The following WWC2 variants were observed in gnomAD, a reference collection of about 807,000 sequenced individuals.
WWC2 encodes the protein protein WWC2.
A neutral mutation model predicts 138.5 loss-of-function variants in WWC2; 101 were observed. That is an observed-to-expected ratio of 0.73 (90% CI 0.62 to 0.86). The LOEUF is 0.86. Ranked by LOEUF, WWC2 falls within the 40% of genes least tolerant of loss-of-function variation. The pLI, the probability that WWC2 is intolerant of heterozygous loss-of-function variation, is 0.00. For synonymous variants in WWC2, 558 were observed against 538.4 expected (o/e 1.04, Z -0.50); for missense variants, 1,420 against 1,419.4 (o/e 1.00, Z -0.01).
chr4:183,282,399 T>G (rs1738104304), intron 17 of WWC2, among the ~76,000 whole-genome samples: 1 of 152,240 alleles, frequency 6.6e-6, no homozygotes, highest in African/African-American at 2.4e-5. Context: ...TGTCAATATT[T>G]TTAAATGCTA....
rs145234819 is a variant in WWC2 at position 183,239,608 on chromosome 4, GGACA to G, written c.523-569_523-566del. Among the ~76,000 whole-genome samples the G allele has an allele frequency of 7.9e-3, 1,197 of 152,308 alleles. 15 individuals carry two copies. Among genetic ancestry groups the G allele is most frequent in the African/African-American group, 0.027 (1,142 of 41,564 alleles). On this transcript the variant is annotated intron_variant, in intron 4 of 22. Transcript: ENST00000403733. ...GGGTTGCAGCTTACTTTCCCACGGAGGACAGACAGTGTACACGGAGAATTTCAGC... is the reference window on the plus strand; with the variant it reads ...GGGTTGCAGCTTACTTTCCCACGGAGGACAGTGTACACGGAGAATTTCAGC...
chr4:183,206,502 T>G (rs992651419), intron 2 of WWC2, among the ~76,000 whole-genome samples: 1 of 152,208 alleles, frequency 6.6e-6, no homozygotes, highest in South Asian at 2.1e-4. Flanking sequence ...TTAAAACATG[T>G]ATTACTGAAT....
rs1425973999 is a variant in WWC2 at position 183,113,507 on chromosome 4, T to C, written c.131+13885T>C. On this transcript the variant is annotated intron_variant, in intron 1 of 22. Transcript: ENST00000403733. ...GTGTGTGTGTGTGTGTGTGTGTGTG[T>C]GTGTGTGTGCGCGCGCGTGCGCGCG... is the stretch of plus-strand genomic sequence containing the variant. 9.0e-5 allele frequency among the ~76,000 whole-genome samples: 13 copies of C among 144,658 alleles called. No homozygotes were observed. In the East Asian group the frequency reaches 1.0e-3, roughly 11 times the overall value. The allele number at this position is 144,658 out of a possible 152,430, so 94.9% of individuals were successfully genotyped here.
chr4:183,162,032 G>C (rs1250601781), intron 1 of WWC2, among the ~76,000 whole-genome samples: 1 of 152,156 alleles, frequency 6.6e-6, no homozygotes, highest in Non-Finnish European at 1.5e-5. Context: ...TACTTTAAAA[G>C]AGATAATACA....
At position 183,209,041 on chromosome 4, in the gene WWC2, T is replaced by C. The variant is rs1408181459; in HGVS notation, c.522+16T>C. 6.5e-7 allele frequency: 1 copy of C among 1,540,536 alleles called. No homozygotes were observed. The highest frequency in any genetic ancestry group is 8.8e-7 in the Non-Finnish European group (1 of 1,132,984). On this transcript the variant is annotated intron_variant, in intron 4 of 22. Coordinates refer to ENST00000403733, the MANE Select transcript of WWC2 (RefSeq NM_024949.6). Reference sequence around the variant, plus strand: ...AAGATTAAGGGTAAGAAGTTTTAAATTGTGGTTCTATGTTGACCCATATGC... The same window carrying C: ...AAGATTAAGGGTAAGAAGTTTTAAACTGTGGTTCTATGTTGACCCATATGC...
In WWC2 at chr4:183,280,866, C is replaced by A; in HGVS notation, c.2653C>A (p.Gln885Lys). 6.3e-7 allele frequency: 1 copy of A among 1,579,908 alleles called. No homozygotes were observed. Among genetic ancestry groups the A allele is most frequent in the Non-Finnish European group, 8.6e-7 (1 of 1,162,294 alleles). The change falls in exon 17 of 23, where the codon CAA (glutamine) becomes AAA (lysine). Residue 885 changes from glutamine (Q) to lysine (K), a missense_variant. By Grantham distance (53) the Gln-to-Lys change is moderately conservative. Transcript: ENST00000403733. ...ACAAGAAGAAGAAGAAGAATCAGGACAAGAAGAGCCAAGGGGCCCAGATGG... is the reference window on the plus strand; with the variant it reads ...ACAAGAAGAAGAAGAAGAATCAGGAAAAGAAGAGCCAAGGGGCCCAGATGG... Reference protein sequence around the residue: ...LAQEEEEESGQEEPRGPDGDW... With the variant: ...LAQEEEEESGKEEPRGPDGDW...
At chr4:183,191,803 C>T (rs1270560252) in intron 1 of WWC2, among the ~76,000 whole-genome samples, 1 of 152,094 alleles carries the variant, frequency 6.6e-6, no homozygotes, top group Non-Finnish European at 1.5e-5. Flanking sequence ...TCATGGCTCA[C>T]TGCAGCCTTG....
chr4:183,242,979 G>A lies in WWC2; in HGVS notation c.603-2437G>A, dbSNP rs1736666755. Among the ~76,000 whole-genome samples the A allele has an allele frequency of 2.6e-5, 4 of 152,240 alleles. No homozygotes were observed. The South Asian group carries it at 6.2e-4, about 24-fold the overall frequency. ...AGCACTTAAAGTAGAGAAGTTCAAA[G>A]GAGGCAAAAGAAAAAGAGCAGAAAC... On this transcript the variant is annotated intron_variant, in intron 5 of 22. Transcript: ENST00000403733.
At chr4:183,172,844 A>G (rs1378245293) in intron 1 of WWC2, among the ~76,000 whole-genome samples, 4 of 152,072 alleles carry the variant, frequency 2.6e-5, no homozygotes, top group Admixed American at 6.5e-5. Flanking sequence ...CAAGTCAGAT[A>G]TTAGACCTCC....
intron 4 of WWC2, among the ~76,000 whole-genome samples, chr4:183,231,258 C>CTTTTTTTTTTT (rs1192297768): frequency 2.7e-5 from 2 of 75,332 alleles, no homozygotes; most frequent in African/African-American, 1.2e-4. Flanking sequence ...ACAGTGAAAG[C>CTTTTTTTTTTT]TTTTTTTTTT....
At chr4:183,151,452 T>C (rs1458374479) in intron 1 of WWC2, among the ~76,000 whole-genome samples, 4 of 152,240 alleles carry the variant, frequency 2.6e-5, no homozygotes, top group Non-Finnish European at 5.9e-5. Context: ...CTTTGTCAGA[T>C]GGGTAGATTG....
At chr4:183,106,466 C>T (rs1007509180) in intron 1 of WWC2, among the ~76,000 whole-genome samples, 3 of 152,124 alleles carry the variant, frequency 2.0e-5, no homozygotes, top group Non-Finnish European at 4.4e-5. Flanking sequence ...GAAGACTACA[C>T]CTTAGTAGTT....
At chr4:183,171,410 A>G (rs1733824138) in intron 1 of WWC2, among the ~76,000 whole-genome samples, 1 of 152,210 alleles carries the variant, frequency 6.6e-6, no homozygotes, top group Non-Finnish European at 1.5e-5. Flanking sequence ...CTAAAAGTGT[A>G]TATTGGTAAT....
intron 21 of WWC2, among the ~76,000 whole-genome samples, chr4:183,291,174 G>A (rs1439242561): frequency 1.3e-5 from 2 of 152,172 alleles, no homozygotes; most frequent in Non-Finnish European, 2.9e-5. Context: ...CCAGGTCTAC[G>A]AGAGCAGTGC....
chr4:183,209,900 C>G (rs1026846438), intron 4 of WWC2, among the ~76,000 whole-genome samples: 1 of 152,292 alleles, frequency 6.6e-6, no homozygotes, highest in East Asian at 1.9e-4. Flanking sequence ...CGTGATTTCT[C>G]CTCATTAGTT....
At chr4:183,260,094 CAA>C (rs1428083504) in intron 10 of WWC2, among the ~76,000 whole-genome samples, 1 of 152,170 alleles carries the variant, frequency 6.6e-6, no homozygotes, top group East Asian at 1.9e-4. Flanking sequence ...CATTCACACA[CAA>C]AGAGGAAACG....
intron 9 of WWC2, among the ~76,000 whole-genome samples, chr4:183,255,877 CTTT>C (rs551883972): frequency 6.4e-5 from 9 of 140,668 alleles, no homozygotes; most frequent in Non-Finnish European, 7.7e-5. Context: ...GCTTTTTTTC[CTTT>C]TTTTTTTTTT....
intron 1 of WWC2, among the ~76,000 whole-genome samples, chr4:183,149,960 A>G (rs1374334246): frequency 6.6e-6 from 1 of 152,162 alleles, no homozygotes; most frequent in Non-Finnish European, 1.5e-5. Context: ...ACCCAGTAGT[A>G]TAGGGTACCC....
chr4:183,262,692 A>T (rs1408438414), intron 11 of WWC2, among the ~76,000 whole-genome samples: 1 of 152,184 alleles, frequency 6.6e-6, no homozygotes, highest in Non-Finnish European at 1.5e-5. Context: ...AACCAGGGGA[A>T]TGGTGTGTGT....
Sources: gnomAD v4.1 joint callset for allele counts (sites outside exome capture counted in the v4.1 genomes callset) on GRCh38, gnomAD v4.1.1 for gene constraint, MANE v1.5 for transcripts, NCBI Gene and HGNC (gene_info 2026-07-23, HGNC 2026-07-21) for gene names.